Variants in HEXD observed in about 807,000 individuals in gnomAD.
HEXD encodes the protein hexosaminidase D, also known as N-acetyl-beta-galactosaminidase.
In HEXD, 47 loss-of-function variants were observed where a neutral mutation model predicts 54.2. That is an observed-to-expected ratio of 0.87 (90% CI 0.69 to 1.11). The LOEUF (loss-of-function observed/expected upper bound fraction) is 1.11, where lower values mean the gene tolerates loss of function less well. Ranked by LOEUF, HEXD falls within the 50% of genes least tolerant of loss-of-function variation. The pLI, the probability that HEXD is intolerant of heterozygous loss-of-function variation, is 0.00. For synonymous variants in HEXD, 293 were observed against 287.6 expected, an observed-to-expected ratio of 1.02 and a Z score of -0.19; for missense variants, 576 against 649.2, an observed-to-expected ratio of 0.89 and a Z score of 1.23.
chr17:82,439,732 C>G lies in HEXD; in HGVS notation c.982+19C>G. Reference sequence around the variant, plus strand: ...CTACGCGGTATGTCTGGTCTGGCCACCCCAAGCCCCACCGGCCCCTCCCCG... The same window carrying G: ...CTACGCGGTATGTCTGGTCTGGCCAGCCCAAGCCCCACCGGCCCCTCCCCG... On this transcript the variant is annotated intron_variant, in intron 9 of 12. Transcript: ENST00000327949. 6.3e-7 allele frequency: 1 copy of G among 1,599,176 alleles called. No individual in the cohort carries two copies. The highest frequency in any genetic ancestry group is 1.3e-5 in the African/African-American group (1 of 75,028).
intron 2 of HEXD, 31 bp from the exon 3 acceptor site, chr17:82,424,363 T>G (rs1397203421): frequency 6.7e-7 from 1 of 1,501,112 alleles, no homozygotes; most frequent in Non-Finnish European, 9.3e-7. Flanking sequence ...AGCAGCCACT[T>G]CTTCCTAACC....
rs992741504 is a variant in HEXD, at chr17:82,442,240, C to T, written c.1317C>T (p.Tyr439=). 9 of 1,606,090 alleles carry T rather than the reference C, an allele frequency of 5.6e-6. No homozygotes were observed. Among genetic ancestry groups the T allele is most frequent in the Non-Finnish European group, 7.6e-6 (9 of 1,179,872 alleles). Residue 439 remains tyrosine (Y), a synonymous_variant, in exon 13 of 13, where the codon TAC becomes TAT. Coordinates refer to ENST00000327949, the MANE Select transcript of HEXD (RefSeq NM_001330542.2). The surrounding 1 kb of genome is among the most constrained non-coding windows in gnomAD (Gnocchi z 6.8). ...ELEAALQLAF[Y]PDAVEEWLEE... is the part of the protein sequence containing the mutation. The stretch of plus-strand genomic sequence containing the variant: ...AGGCTGCCCTGCAGCTGGCTTTCTA[C>T]CCGGATGCCGTGGAGGAGTGGCTGG...
At chr17:82,422,189 G>T (rs2053256075) in intron 2 of HEXD, among the ~76,000 whole-genome samples, 1 of 150,038 alleles carries the variant, frequency 6.7e-6, no homozygotes, top group South Asian at 2.1e-4. Flanking sequence ...AAAGAAAAAA[G>T]AAGATGATCT....
chr17:82,421,064 A>C (rs561225157), intron 2 of HEXD, among the ~76,000 whole-genome samples: 23 of 151,270 alleles, frequency 1.5e-4, no homozygotes, highest in African/African-American at 5.2e-4. Context: ...CAACAGTGCT[A>C]TGACCAGAGG....
intron 2 of HEXD, among the ~76,000 whole-genome samples, chr17:82,422,989 G>A (rs908417126): frequency 5.9e-5 from 9 of 151,816 alleles, no homozygotes; most frequent in Admixed American, 2.6e-4. Flanking sequence ...CCCGGGAGGC[G>A]GAGGTTGTGG....
rs562800289 is a variant in HEXD, at chr17:82,439,497, A to AG, written c.900-129dup. The AG allele has an allele frequency of 1.6e-4, 229 of 1,451,758 alleles. No individual in the cohort carries two copies. In the African/African-American group the frequency reaches 2.8e-3, roughly 18 times the overall value. The allele number at this position is 1,451,758 out of a possible 1,614,324, so 89.9% of individuals were successfully genotyped here. Reference sequence around the variant, plus strand: ...TGGAAACCCTGGGCCCCATGGGTTGAGGGGGTCGGGCTGCCCCCAGCGCTG... The same window carrying AG: ...TGGAAACCCTGGGCCCCATGGGTTGAGGGGGGTCGGGCTGCCCCCAGCGCTG... On this transcript the variant is annotated intron_variant, in intron 8 of 12. Coordinates refer to ENST00000327949, the MANE Select transcript of HEXD (RefSeq NM_001330542.2).
chr17:82,435,379 C>T (rs1055827630), intron 5 of HEXD, among the ~76,000 whole-genome samples: 4 of 152,108 alleles, frequency 2.6e-5, no homozygotes, highest in Non-Finnish European at 4.4e-5. Flanking sequence ...CTGCTGAAGC[C>T]GAGCCGTGTT....
At chr17:82,436,226 G>A (rs1217785698) in intron 6 of HEXD, among the ~76,000 whole-genome samples, 3 of 152,230 alleles carry the variant, frequency 2.0e-5, no homozygotes, top group East Asian at 3.9e-4. Flanking sequence ...GCTTTGGGAC[G>A]AGCTGCTGAG....
intron 8 of HEXD, among the ~76,000 whole-genome samples, chr17:82,437,961 G>A (rs901232220): frequency 3.9e-5 from 6 of 152,220 alleles, no homozygotes; most frequent in Non-Finnish European, 8.8e-5. Flanking sequence ...TAGGGGCTGA[G>A]TGCGGTGGCT....
rs537197588 is a variant in HEXD at position 82,431,250 on chromosome 17, C to T, written c.283-2408C>T. Among the ~76,000 whole-genome samples the T allele has an allele frequency of 2.7e-4, 41 of 152,168 alleles. No homozygotes were observed. The South Asian group carries it at 8.3e-3, about 31-fold the overall frequency. On this transcript the variant is annotated intron_variant, in intron 4 of 12. Coordinates refer to ENST00000327949, the MANE Select transcript of HEXD (RefSeq NM_001330542.2). ...AACCCCTGGCCTCAAACAGTTCTCC[C>T]ACCTCAGCCTCTCGGAGCGCTGGGA...
In HEXD at chr17:82,424,407, TC is replaced by T. The variant is rs1215719875; in HGVS notation, c.100del (p.Arg34ValfsTer3). ...TTTACCCCCCAGATTTTTCCTCTGT[TC>T]CGTGCGCTAGGTGCAAACGGCCTCC... is the stretch of plus-strand genomic sequence containing the variant. ...VSYLSEIFPL[F>X]RALGANGLLI... On this transcript the variant is annotated frameshift_variant, in exon 3 of 13. Transcript: ENST00000327949. LOFTEE classifies it high-confidence loss of function. The T allele has an allele frequency of 9.3e-6, 15 of 1,613,880 alleles. No homozygotes were observed. The highest frequency in any genetic ancestry group is 1.3e-5 in the African/African-American group (1 of 75,058).
intron 4 of HEXD, among the ~76,000 whole-genome samples, chr17:82,431,113 G>A (rs114559239): frequency 0.011 from 1,704 of 151,212 alleles, 32 homozygotes; most frequent in African/African-American, 0.04. Flanking sequence ...CTGGGCTCAA[G>A]CACCTCAGCC....
intron 4 of HEXD, among the ~76,000 whole-genome samples, chr17:82,431,791 G>A (rs1396908452): frequency 6.6e-6 from 1 of 152,158 alleles, no homozygotes; most frequent in African/African-American, 2.4e-5. Context: ...GGCCCTGAGA[G>A]TCAGAGTCTG....
Position 82,436,647 on chromosome 17 carries a change from C to T in HEXD, c.632-20C>T. 1 of 1,600,246 alleles carries T rather than the reference C, an allele frequency of 6.2e-7. No homozygotes were observed. The highest frequency in any genetic ancestry group is 8.5e-7 in the Non-Finnish European group (1 of 1,175,438). On this transcript the variant is annotated intron_variant, in intron 6 of 12. Coordinates refer to ENST00000327949, the MANE Select transcript of HEXD (RefSeq NM_001330542.2). The stretch of plus-strand genomic sequence containing the variant: ...TGTGGTCCAGGTGTCTCACCAACCT[C>T]ACGTCCGCTCTGTCTGCAGCGTCCG...
At chr17:82,420,515 T>G (rs1165421015) in intron 2 of HEXD, 1 of 152,260 alleles carries the variant, frequency 6.6e-6, no homozygotes, top group Non-Finnish European at 1.5e-5. Flanking sequence ...GATTTTGGAC[T>G]TAGGGCCTCC....
intron 9 of HEXD, chr17:82,440,248 G>A (rs139028966): frequency 6.1e-5 from 79 of 1,288,708 alleles, no homozygotes; most frequent in Middle Eastern, 2.4e-4. Context: ...TAGCGACTGC[G>A]TGGTGCTGAT....
At chr17:82,424,372 C>A in intron 2 of HEXD, 22 bp from the exon 3 acceptor site, 1 of 1,551,268 alleles carries the variant, frequency 6.4e-7, no homozygotes, top group East Asian at 2.2e-5. Flanking sequence ...TTCTTCCTAA[C>A]CCCTCCCTGT....
intron 3 of HEXD, among the ~76,000 whole-genome samples, chr17:82,428,328 G>A (rs1473742798): frequency 3.3e-5 from 5 of 152,096 alleles, no homozygotes; most frequent in Non-Finnish European, 5.9e-5. Flanking sequence ...TTCTCTTGTC[G>A]TGGGTTGAAA....
At chr17:82,437,852 GCT>G (rs1259606933) in intron 8 of HEXD, among the ~76,000 whole-genome samples, 2 of 152,198 alleles carry the variant, frequency 1.3e-5, no homozygotes, top group African/African-American at 4.8e-5. Context: ...GGCGTGCCCA[GCT>G]CTGTTTTCCG....
Sources: gnomAD v4.1 joint callset for allele counts (sites outside exome capture counted in the v4.1 genomes callset) on GRCh38, gnomAD v4.1.1 for gene constraint, Gnocchi (gnomAD v3.1) non-coding constraint, MANE v1.5 for transcripts, NCBI Gene and HGNC (gene_info 2026-07-23, HGNC 2026-07-21) for gene names.